The following VWA8 variants were observed in gnomAD, a reference collection of about 807,000 sequenced individuals.
VWA8 encodes von Willebrand factor A domain containing 8, also known as von Willebrand factor A domain-containing protein 8.
VWA8 carries 221 observed loss-of-function variants against 241.5 expected under a neutral mutation model. The ratio of observed to expected loss-of-function variants is 0.91; its 90% confidence interval spans 0.82 to 1.02. The LOEUF (loss-of-function observed/expected upper bound fraction) is 1.02, where lower values mean the gene tolerates loss of function less well. Ranked by LOEUF, VWA8 falls within the 50% of genes least tolerant of loss-of-function variation. The probability of loss-of-function intolerance (pLI) is 0.00; values close to 1 mark genes in which losing one functional copy is unlikely to be tolerated. For missense variants in VWA8, 2,322 were observed against 2,328.7 expected, an observed-to-expected ratio of 1.00 and a Z score of 0.06; for synonymous variants, 852 against 827.1, an observed-to-expected ratio of 1.03 and a Z score of -0.52.
intron 37 of VWA8, among the ~76,000 whole-genome samples, chr13:41,663,795 G>A (rs1401749021): frequency 1.3e-5 from 2 of 151,202 alleles, no homozygotes; most frequent in East Asian, 4.0e-4. Context: ...TTTCTACATC[G>A]TGGTTCAATT....
intron 2 of VWA8, among the ~76,000 whole-genome samples, chr13:41,913,512 A>G (rs1876109907): frequency 6.6e-6 from 1 of 152,196 alleles, no homozygotes; most frequent in South Asian, 2.1e-4. Flanking sequence ...TAGTTCAAAG[A>G]TCCAACTAAG....
At chr13:41,741,195 GATGTT>G (rs2045566917) in intron 21 of VWA8, among the ~76,000 whole-genome samples, 1 of 152,128 alleles carries the variant, frequency 6.6e-6, no homozygotes, top group South Asian at 2.1e-4. Context: ...CTTGTTCACT[GATGTT>G]ATCACTCACA....
intron 2 of VWA8, among the ~76,000 whole-genome samples, chr13:41,927,789 T>C (rs772758619): frequency 6.6e-6 from 1 of 152,172 alleles, no homozygotes; most frequent in Non-Finnish European, 1.5e-5. Flanking sequence ...GTAAATAAAT[T>C]ATCTAAGAGT....
At chr13:41,949,354 T>C (rs1878014382) in intron 2 of VWA8, among the ~76,000 whole-genome samples, 1 of 152,082 alleles carries the variant, frequency 6.6e-6, no homozygotes, top group Admixed American at 6.6e-5. Flanking sequence ...AAACCATCAT[T>C]CTCAGAAAAC....
chr13:41,571,843 C>T (rs1021759953), intron 43 of VWA8, among the ~76,000 whole-genome samples: 6 of 150,938 alleles, frequency 4.0e-5, no homozygotes, highest in African/African-American at 9.8e-5. Context: ...TCCGACTGGC[C>T]GCCCAGTCTG....
At chr13:41,708,915 C>T (rs1383213802) in intron 26 of VWA8, among the ~76,000 whole-genome samples, 1 of 152,186 alleles carries the variant, frequency 6.6e-6, no homozygotes, top group Non-Finnish European at 1.5e-5. Flanking sequence ...GTTCTGGGGC[C>T]AGGGTTTCCT....
chr13:41,575,722 G>T lies in VWA8; in HGVS notation c.5370+18C>A. On this transcript the variant is annotated intron_variant, in intron 43 of 44. Transcript: ENST00000379310. ...TGATAGAAGCTTTCATAATACAGAG[G>T]TAATAAAATATATTTACCTTCAGAA... 2.6e-6 allele frequency: 4 copies of T among 1,566,220 alleles called. No homozygotes were observed. Among genetic ancestry groups the T allele is most frequent in the Middle Eastern group, 1.7e-4 (1 of 5,978 alleles).
chr13:41,925,996 C>G (rs777770448), intron 2 of VWA8: 72 of 401,772 alleles, frequency 1.8e-4, no homozygotes, highest in Admixed American at 3.1e-4. Context: ...AGGATCCATG[C>G]TAAAAGAGCT....
At chr13:41,729,353 TAA>T (rs1489941538) in intron 23 of VWA8, among the ~76,000 whole-genome samples, 187 bp downstream of exon 23, 1 of 152,054 alleles carries the variant, frequency 6.6e-6, no homozygotes. Flanking sequence ...GCTTGGTGGG[TAA>T]AAGTAAAACT....
rs561682855 is a variant in VWA8, at chr13:41,960,734, C to T, written c.163+119G>A. 4.5e-4 allele frequency: 613 copies of T among 1,349,170 alleles called. 7 individuals are homozygous for T. The South Asian group carries it at 9.0e-3, about 20-fold the overall frequency. 83.6% of individuals were successfully genotyped at this position (1,349,170 alleles called of 1,614,324 possible). On this transcript the variant is annotated intron_variant, in intron 1 of 44. Coordinates refer to ENST00000379310, the MANE Select transcript of VWA8 (RefSeq NM_015058.2). ...CTAGAACCTCAATCTTTCAGCTCCC[C>T]GCTCGGCAAACGGTCCTTCCAAGCG...
chr13:41,685,313 C>A, intron 34 of VWA8, 71 bp from the exon 35 acceptor site: 2 of 1,402,678 alleles, frequency 1.4e-6, no homozygotes, highest in Admixed American at 2.3e-5. Flanking sequence ...AACAACGCAG[C>A]CCTTTAAGCA....
intron 37 of VWA8, among the ~76,000 whole-genome samples, chr13:41,633,644 G>A (rs2044739319): frequency 6.6e-6 from 1 of 152,076 alleles, no homozygotes; most frequent in Non-Finnish European, 1.5e-5. Context: ...ACTAAATATC[G>A]GTTGGTAAAG....
At chr13:41,573,911 C>T (rs1240450350) in intron 43 of VWA8, among the ~76,000 whole-genome samples, 4 of 152,046 alleles carry the variant, frequency 2.6e-5, no homozygotes, top group Non-Finnish European at 4.4e-5. Flanking sequence ...CGTGCGCCAC[C>T]GTGCCTGGCC....
At chr13:41,745,111 T>C (rs1389221103) in intron 21 of VWA8, among the ~76,000 whole-genome samples, 1 of 152,138 alleles carries the variant, frequency 6.6e-6, no homozygotes, top group African/African-American at 2.4e-5. Context: ...AGTACTGGGA[T>C]TACAGGCATG....
At chr13:41,681,376 A>G (rs1363523515) in intron 35 of VWA8, among the ~76,000 whole-genome samples, 1 of 152,202 alleles carries the variant, frequency 6.6e-6, no homozygotes, top group Non-Finnish European at 1.5e-5. Context: ...ATTTTCTAAC[A>G]AATGTCATGA....
intron 27 of VWA8, among the ~76,000 whole-genome samples, chr13:41,702,008 T>C (rs1196003582): frequency 6.6e-6 from 1 of 152,232 alleles, no homozygotes; most frequent in Non-Finnish European, 1.5e-5. Flanking sequence ...ATGTGGCATT[T>C]GAAATTTTTT....
At position 41,855,337 on chromosome 13, in the gene VWA8, A is replaced by G. The variant is rs944159650; in HGVS notation, c.1425+10399T>C. On this transcript the variant is annotated intron_variant, in intron 12 of 44. Coordinates refer to ENST00000379310, the MANE Select transcript of VWA8 (RefSeq NM_015058.2). ...ATATTTATTTATATATATATAATAT[A>G]TAATATATAAATATATATTAATATA... Among the ~76,000 whole-genome samples, 254 of 145,800 alleles carry G rather than the reference A, an allele frequency of 1.7e-3. 2 individuals are homozygous for G. The highest frequency in any genetic ancestry group is 5.9e-3 in the African/African-American group (237 of 40,140).
intron 9 of VWA8, among the ~76,000 whole-genome samples, chr13:41,882,686 C>T (rs1000629088): frequency 3.9e-5 from 6 of 152,210 alleles, no homozygotes; most frequent in African/African-American, 1.2e-4. Flanking sequence ...CGCCTGCAAT[C>T]GCAGGCACTC....
intron 17 of VWA8, among the ~76,000 whole-genome samples, chr13:41,803,146 A>G (rs1199204835): frequency 1.3e-5 from 2 of 152,230 alleles, no homozygotes; most frequent in Non-Finnish European, 2.9e-5. Flanking sequence ...CAGTGACCAG[A>G]ATTAGATCAC....
Sources: allele counts gnomAD v4.1 joint callset (sites outside exome capture counted in the v4.1 genomes callset), GRCh38; gene constraint gnomAD v4.1.1; transcripts MANE v1.5; gene names NCBI Gene and HGNC (gene_info 2026-07-23, HGNC 2026-07-21).